The following ARHGAP8 variants were observed in gnomAD, a reference collection of about 807,000 sequenced individuals.
ARHGAP8 encodes the protein rho GTPase-activating protein 8.
ARHGAP8 carries 62 observed loss-of-function variants against 46.1 expected under a neutral mutation model. The observed-to-expected ratio is 1.34, with a 90% CI of 1.10 to 1.66. ARHGAP8 has a LOEUF of 1.66. Ranked by LOEUF, ARHGAP8 falls within the 40% of genes most tolerant of loss-of-function variation. ARHGAP8 has a pLI of 0.00. For missense variants in ARHGAP8, 923 were observed against 568.4 expected (o/e 1.62, Z -6.34); for synonymous variants, 375 against 243.1 (o/e 1.54, Z -5.05).
chr22:44,814,629 C>A, intron 4 of ARHGAP8, 43 bp from the exon 5 acceptor site: 1 of 1,583,640 alleles, frequency 6.3e-7, no homozygotes, highest in Non-Finnish European at 8.6e-7. Context: ...GGGTGTTTCT[C>A]GGAGCGCGGC....
rs132489 is a variant in ARHGAP8, at chr22:44,779,564, A to AT, written c.-71-6878dup. Among the ~76,000 whole-genome samples the AT allele has an allele frequency of 4.0e-4, 51 of 126,244 alleles. 4 individuals are homozygous for AT. Among genetic ancestry groups the AT allele is most frequent in the Admixed American group, 1.2e-3 (13 of 11,268 alleles). 82.8% of individuals were successfully genotyped at this position (126,244 alleles called of 152,430 possible). A position where few individuals can be genotyped will look rare whatever the true frequency, so the allele number is the denominator to read the frequency against. ...TACATGGGCGGTTTCCAGTTTGAGG[A>AT]TTTTTTTTTTTTTTTGAGTTGGAGT... On this transcript the variant is annotated intron_variant, in intron 1 of 11. Transcript: ENST00000356099.
intron 11 of ARHGAP8, among the ~76,000 whole-genome samples, chr22:44,862,054 G>A (rs902867437): frequency 5.3e-5 from 8 of 152,208 alleles, no homozygotes; most frequent in Admixed American, 2.0e-4. Context: ...CAGAGCCAGA[G>A]GGTCCTCCAG....
chr22:44,797,194 C>A (rs1928151016), intron 2 of ARHGAP8, among the ~76,000 whole-genome samples: 1 of 150,584 alleles, frequency 6.6e-6, no homozygotes, highest in Non-Finnish European at 1.5e-5. Flanking sequence ...TGGTCTGATT[C>A]CAGACATGAT....
chr22:44,860,985 CAAAACTAAACTCTCCT>C (rs1403744481), intron 11 of ARHGAP8, among the ~76,000 whole-genome samples: 1 of 128,244 alleles, frequency 7.8e-6, no homozygotes, highest in Non-Finnish European at 1.7e-5. Flanking sequence ...CTCAGAGGCC[CAAAACTAAACTCTCCT>C]AATTCTCTCA....
chr22:44,849,202 A>G, intron 10 of ARHGAP8, 142 bp downstream of exon 10: 4 of 1,484,680 alleles, frequency 2.7e-6, no homozygotes, highest in Non-Finnish European at 3.6e-6. Flanking sequence ...CTGCAGGGCA[A>G]GAGAGGGGGT....
At position 44,847,974 on chromosome 22, in the gene ARHGAP8, C is replaced by A; in HGVS notation, c.672C>A (p.Gly224=). ...RFTVTYLREK[G]LRTEGLFRRS... is the part of the protein sequence containing the mutation. The stretch of plus-strand genomic sequence containing the variant: ...TGCCTGGAAGCTCCTCTCCTGCAGG[C>A]CTGCGCACCGAGGGCCTGTTCCGGA... The change falls in exon 9 of 12, where the codon GGC becomes GGA. Residue 224 remains glycine, a splice_region_variant and synonymous_variant. Coordinates refer to ENST00000356099, the MANE Select transcript of ARHGAP8 (RefSeq NM_181335.3). 6.2e-7 allele frequency: 1 copy of A among 1,607,240 alleles called. No homozygotes were observed.
chr22:44,793,685 A>G (rs1348334588), intron 2 of ARHGAP8, among the ~76,000 whole-genome samples: 1 of 152,204 alleles, frequency 6.6e-6, no homozygotes. Context: ...TTCATAAACC[A>G]GGCTTCTCCT....
At chr22:44,798,252 A>G (rs1928237760) in intron 2 of ARHGAP8, among the ~76,000 whole-genome samples, 1 of 152,040 alleles carries the variant, frequency 6.6e-6, no homozygotes, top group Non-Finnish European at 1.5e-5. Flanking sequence ...CTGGAATTAC[A>G]TGAGTGAGCC....
rs558394231 is a variant in ARHGAP8 at position 44,786,093 on chromosome 22, A to G, written c.-71-364A>G. ...TGGACACTGGATGGGCACTTGGTGTACAACCGAGGTAGAGTACACAGTGGG... is the reference window on the plus strand; with the variant it reads ...TGGACACTGGATGGGCACTTGGTGTGCAACCGAGGTAGAGTACACAGTGGG... On this transcript the variant is annotated intron_variant, in intron 1 of 11. Coordinates refer to ENST00000356099, the MANE Select transcript of ARHGAP8 (RefSeq NM_181335.3). 71 of 337,116 alleles carry G rather than the reference A, an allele frequency of 2.1e-4. 1 individual carries two copies. The Middle Eastern group carries it at 0.01, about 50-fold the overall frequency. 20.9% of individuals were successfully genotyped at this position (337,116 alleles called of 1,614,324 possible).
Position 44,859,943 on chromosome 22 carries a change from C to T in ARHGAP8, c.981+109C>T, listed in dbSNP as rs1322993681. ...GCCCTGGGTCTGGGGTCATGCCCTGCTTGGGCCTCGGAATACCACTCCCTG... is the reference window on the plus strand; with the variant it reads ...GCCCTGGGTCTGGGGTCATGCCCTGTTTGGGCCTCGGAATACCACTCCCTG... On this transcript the variant is annotated intron_variant, in intron 11 of 11. Transcript: ENST00000356099. 1.4e-5 allele frequency: 18 copies of T among 1,314,470 alleles called. No individual in the cohort carries two copies. In the Admixed American group the frequency reaches 2.3e-4, roughly 17 times the overall value. The allele number at this position is 1,314,470 out of a possible 1,614,324, so 81.4% of individuals were successfully genotyped here. A position where few individuals can be genotyped will look rare whatever the true frequency, so the allele number is the denominator to read the frequency against.
At chr22:44,842,305 A>G (rs9614579) in intron 7 of ARHGAP8, among the ~76,000 whole-genome samples, 1 of 152,150 alleles carries the variant, frequency 6.6e-6, no homozygotes, top group Non-Finnish European at 1.5e-5. Context: ...TGCAGTGAGC[A>G]GAGATTGCGC....
intron 4 of ARHGAP8, chr22:44,809,274 TTC>T (rs758160759): frequency 6.9e-6 from 3 of 434,722 alleles, no homozygotes; most frequent in East Asian, 7.2e-5. Flanking sequence ...TGAAATATTC[TTC>T]TGTTTTTTTT....
At chr22:44,814,786 G>C (rs2071758) in intron 5 of ARHGAP8, 28 bp downstream of exon 5, 2 of 1,611,314 alleles carry the variant, frequency 1.2e-6, no homozygotes, top group Non-Finnish European at 1.7e-6. Context: ...AGAGGACCTC[G>C]CTGGGGTTGG....
chr22:44,823,651 G>T lies in ARHGAP8; in HGVS notation c.485+1182G>T, dbSNP rs545850916. Among the ~76,000 whole-genome samples the T allele has an allele frequency of 9.3e-4, 142 of 152,298 alleles. 1 individual carries two copies. Among genetic ancestry groups the T allele is most frequent in the African/African-American group, 2.8e-3 (117 of 41,560 alleles). The stretch of plus-strand genomic sequence containing the variant: ...CAGACCTCACTAAAGTGATCCGGGG[G>T]AGTCCATGGAGACGGCTCAGAAGAT... On this transcript the variant is annotated intron_variant, in intron 6 of 11. Transcript: ENST00000356099.
intron 10 of ARHGAP8, among the ~76,000 whole-genome samples, chr22:44,855,915 G>T (rs2070209190): frequency 6.6e-6 from 1 of 152,184 alleles, no homozygotes; most frequent in African/African-American, 2.4e-5. Flanking sequence ...GCACGGTGTT[G>T]GCATCTGCTT....
intron 1 of ARHGAP8, among the ~76,000 whole-genome samples, chr22:44,767,590 G>A (rs879740070): frequency 6.6e-6 from 1 of 151,970 alleles, no homozygotes; most frequent in Non-Finnish European, 1.5e-5. Flanking sequence ...AGGCTCCCAC[G>A]CTGCCTTTAA....
intron 1 of ARHGAP8, among the ~76,000 whole-genome samples, chr22:44,776,256 A>G (rs1383976156): frequency 6.6e-6 from 1 of 152,070 alleles, no homozygotes; most frequent in Non-Finnish European, 1.5e-5. Flanking sequence ...TTTGAGACCT[A>G]CCTGACCAAA....
chr22:44,781,513 T>A (rs542947755), intron 1 of ARHGAP8, among the ~76,000 whole-genome samples: 3 of 152,202 alleles, frequency 2.0e-5, no homozygotes, highest in South Asian at 2.1e-4. Context: ...ATTATATTAT[T>A]TTATTTTTTA....
chr22:44,856,238 G>A (rs1048076314), intron 10 of ARHGAP8, among the ~76,000 whole-genome samples: 1 of 145,252 alleles, frequency 6.9e-6, no homozygotes, highest in Non-Finnish European at 1.5e-5. Context: ...TTACTGTCTG[G>A]CCAGCTATAA....
Sources: gnomAD v4.1 joint callset for allele counts (sites outside exome capture counted in the v4.1 genomes callset) on GRCh38, gnomAD v4.1.1 for gene constraint, MANE v1.5 for transcripts, NCBI Gene and HGNC (gene_info 2026-07-23, HGNC 2026-07-21) for gene names.